CDKAL1: variants seen among roughly 807,000 people sequenced by gnomAD.
CDKAL1 encodes the protein threonylcarbamoyladenosine tRNA methylthiotransferase.
In CDKAL1, 32 loss-of-function variants were observed where a neutral mutation model predicts 68.2. That is an observed-to-expected ratio of 0.47 (90% CI 0.35 to 0.63). CDKAL1 has a LOEUF of 0.63. Ranked by LOEUF, CDKAL1 falls within the 30% of genes least tolerant of loss-of-function variation. CDKAL1 has a pLI of 0.00. For missense variants in CDKAL1, 606 were observed against 696.7 expected, an observed-to-expected ratio of 0.87 and a Z score of 1.47; for synonymous variants, 234 against 244.3, an observed-to-expected ratio of 0.96 and a Z score of 0.39.
At position 20,959,653 on chromosome 6, in the gene CDKAL1, A is replaced by G. The variant is rs1319924815; in HGVS notation, c.909+4068A>G. ...GTTGGTAGTAATGTGTTAATCAGAC[A>G]TACTAATATTTGCTACTACATGTGT... On this transcript the variant is annotated intron_variant, in intron 10 of 15. Transcript: ENST00000274695. Among the ~76,000 whole-genome samples, 5 of 151,946 alleles carry G rather than the reference A, an allele frequency of 3.3e-5. No individual in the cohort carries two copies. In the East Asian group the frequency reaches 5.8e-4, roughly 18 times the overall value.
chr6:20,613,303 C>A (rs1180260132), intron 4 of CDKAL1, among the ~76,000 whole-genome samples: 1 of 98,492 alleles, frequency 1.0e-5, no homozygotes. Flanking sequence ...GAGACGGAGT[C>A]TCGCTCTGTC....
intron 9 of CDKAL1, among the ~76,000 whole-genome samples, chr6:20,861,280 C>T (rs1341007721): frequency 1.3e-5 from 2 of 152,120 alleles, no homozygotes; most frequent in South Asian, 2.1e-4. Context: ...TGTAAGCGTA[C>T]GTAAACCTAA....
Position 21,200,233 on chromosome 6 carries a change from G to A in CDKAL1, c.1384-877G>A, listed in dbSNP as rs117101748. Among the ~76,000 whole-genome samples the A allele has an allele frequency of 2.7e-4, 41 of 152,332 alleles. No homozygotes were observed. The East Asian group carries it at 7.9e-3, about 29-fold the overall frequency. On this transcript the variant is annotated intron_variant, in intron 14 of 15. Coordinates refer to ENST00000274695, the MANE Select transcript of CDKAL1 (RefSeq NM_017774.3). ...GGAAACGTTTGCTTGAAGTAAACAA[G>A]TACTTTTATCAGGAATCTCTAGTGG...
intron 10 of CDKAL1, among the ~76,000 whole-genome samples, chr6:20,990,307 G>T (rs1490457668): frequency 6.6e-6 from 1 of 152,164 alleles, no homozygotes; most frequent in Non-Finnish European, 1.5e-5. Flanking sequence ...ATGTGTTTGT[G>T]TGTGTAATTA....
intron 5 of CDKAL1, among the ~76,000 whole-genome samples, chr6:20,679,377 A>G (rs866609962): frequency 1.2e-4 from 18 of 152,250 alleles, no homozygotes; most frequent in South Asian, 2.1e-4. Flanking sequence ...TTGTACATTG[A>G]CCTACTTTTT....
intron 12 of CDKAL1, among the ~76,000 whole-genome samples, chr6:21,069,786 T>TC (rs1771662909): frequency 2.9e-5 from 2 of 69,104 alleles, no homozygotes; most frequent in African/African-American, 1.2e-4. Flanking sequence ...TTTTTTTTTT[T>TC]TTTTTTTTTT....
At chr6:21,010,441 A>G (rs967562778) in intron 11 of CDKAL1, among the ~76,000 whole-genome samples, 49 of 152,190 alleles carry the variant, frequency 3.2e-4, no homozygotes, top group African/African-American at 1.2e-3. Flanking sequence ...ACTCCTGCCC[A>G]TAAGCACCCT....
chr6:21,178,273 A>G (rs891433616), intron 13 of CDKAL1, among the ~76,000 whole-genome samples: 1 of 152,192 alleles, frequency 6.6e-6, no homozygotes, highest in Non-Finnish European at 1.5e-5. Flanking sequence ...ATTCTAAACT[A>G]TATGATGGGG....
At chr6:21,145,267 G>A (rs1277090184) in intron 13 of CDKAL1, among the ~76,000 whole-genome samples, 2 of 152,156 alleles carry the variant, frequency 1.3e-5, no homozygotes, top group African/African-American at 2.4e-5. Flanking sequence ...TTAAATTATG[G>A]TAATAAAGTA....
At chr6:21,060,623 A>G (rs1771094345) in intron 11 of CDKAL1, among the ~76,000 whole-genome samples, 1 of 151,890 alleles carries the variant, frequency 6.6e-6, no homozygotes, top group African/African-American at 2.4e-5. Flanking sequence ...AGATTTTTAT[A>G]TCTAACACAG....
chr6:20,768,907 G>T (rs1163030848), intron 7 of CDKAL1, among the ~76,000 whole-genome samples: 1 of 152,130 alleles, frequency 6.6e-6, no homozygotes, highest in Non-Finnish European at 1.5e-5. Context: ...AGGGGAGATG[G>T]CAGACTGCTC....
At chr6:20,917,054 C>T (rs1762753029) in intron 9 of CDKAL1, among the ~76,000 whole-genome samples, 1 of 152,190 alleles carries the variant, frequency 6.6e-6, no homozygotes, top group Non-Finnish European at 1.5e-5. Context: ...GGTCTTGGCT[C>T]ACTGCAACCT....
intron 13 of CDKAL1, among the ~76,000 whole-genome samples, chr6:21,148,867 A>G (rs924662468): frequency 8.5e-5 from 13 of 152,226 alleles, no homozygotes; most frequent in African/African-American, 3.1e-4. Flanking sequence ...ATTTTAAAAG[A>G]TTACCATTCA....
At chr6:21,112,934 A>G (rs1160218546) in intron 13 of CDKAL1, among the ~76,000 whole-genome samples, 1 of 152,200 alleles carries the variant, frequency 6.6e-6, no homozygotes, top group Non-Finnish European at 1.5e-5. Flanking sequence ...TTTTAAAACA[A>G]ATCAGTTCAA....
chr6:20,872,164 T>C (rs1050441395), intron 9 of CDKAL1, among the ~76,000 whole-genome samples: 3 of 152,300 alleles, frequency 2.0e-5, no homozygotes, highest in South Asian at 2.1e-4. Flanking sequence ...ATTGAACATA[T>C]TTTAATTTAA....
intron 9 of CDKAL1, among the ~76,000 whole-genome samples, chr6:20,887,307 C>T (rs981077402): frequency 6.6e-6 from 1 of 152,124 alleles, no homozygotes; most frequent in Non-Finnish European, 1.5e-5. Flanking sequence ...TGTAATCCAG[C>T]AATTCTACTC....
chr6:20,566,511 A>T (rs936385040), intron 4 of CDKAL1, among the ~76,000 whole-genome samples: 4 of 149,300 alleles, frequency 2.7e-5, no homozygotes, highest in Middle Eastern at 3.5e-3. Context: ...TTTTAATAGG[A>T]CTTTATGTCT....
intron 11 of CDKAL1, among the ~76,000 whole-genome samples, chr6:21,055,451 G>A (rs1002961659): frequency 1.3e-5 from 2 of 152,116 alleles, no homozygotes; most frequent in East Asian, 1.9e-4. Flanking sequence ...AACGTGTGCT[G>A]TGGTGATTTA....
intron 5 of CDKAL1, among the ~76,000 whole-genome samples, chr6:20,693,694 G>T (rs971179042): frequency 5.3e-5 from 8 of 152,168 alleles, no homozygotes; most frequent in African/African-American, 1.9e-4. Context: ...AAATACTTTT[G>T]CCTTTCCTTG....
Sources: gnomAD v4.1 joint callset for allele counts (sites outside exome capture counted in the v4.1 genomes callset) on GRCh38, gnomAD v4.1.1 for gene constraint, MANE v1.5 for transcripts, NCBI Gene and HGNC (gene_info 2026-07-23, HGNC 2026-07-21) for gene names.